The following TNKS2 variants were observed in gnomAD, a reference collection of about 807,000 sequenced individuals.
TNKS2 encodes the protein poly [ADP-ribose] polymerase tankyrase-2.
TNKS2 carries 72 observed loss-of-function variants against 137.6 expected under a neutral mutation model. That is an observed-to-expected ratio of 0.52 (90% confidence interval 0.43 to 0.64). TNKS2 has a LOEUF of 0.64. Among genes scored for constraint, TNKS2 ranks in the 30% least tolerant of loss-of-function variants. The pLI is 0.00. For missense variants in TNKS2, 1,049 were observed against 1,410.2 expected (o/e 0.74, Z 4.10); for synonymous variants, 516 against 512.1 (o/e 1.01, Z -0.10).
intron 26 of TNKS2, 84 bp downstream of exon 26, chr10:91,862,239 A>G: frequency 8.9e-7 from 1 of 1,128,618 alleles, no homozygotes. Flanking sequence ...TTGACAAGAC[A>G]TATTGCCTTA....
In TNKS2 at chr10:91,842,166, G is replaced by T. The variant is rs754234375; in HGVS notation, c.1840-6G>T. ...CCCCCTTTTTTTCTGTTTTTCACATGCCTAGCATGGTGCAGACCCTACAAA... is the reference window on the plus strand; with the variant it reads ...CCCCCTTTTTTTCTGTTTTTCACATTCCTAGCATGGTGCAGACCCTACAAA... On this transcript the variant is annotated splice_polypyrimidine_tract_variant and splice_region_variant and intron_variant, in intron 15 of 26. Transcript: ENST00000371627. 5 of 1,602,130 alleles carry T rather than the reference G, an allele frequency of 3.1e-6. No individual in the cohort carries two copies. The Admixed American group carries it at 8.5e-5, about 27-fold the overall frequency.
intron 26 of TNKS2, among the ~76,000 whole-genome samples, chr10:91,862,530 TC>T (rs1367592292): frequency 6.6e-6 from 1 of 152,094 alleles, no homozygotes; most frequent in Non-Finnish European, 1.5e-5. Context: ...CGCCAGTCGT[TC>T]CGGATTTTTC....
chr10:91,826,959 G>T, intron 7 of TNKS2, 58 bp from the exon 8 acceptor site: 2 of 1,400,324 alleles, frequency 1.4e-6, no homozygotes, highest in South Asian at 1.8e-5. Context: ...TACACAGTAC[G>T]AATAATTCTG....
chr10:91,808,105 T>C (rs1322527216), intron 1 of TNKS2, among the ~76,000 whole-genome samples: 1 of 151,848 alleles, frequency 6.6e-6, no homozygotes, highest in Non-Finnish European at 1.5e-5. Context: ...GTATGGAGCT[T>C]GCATTCTAGT....
At chr10:91,829,575 A>T (rs575191854) in intron 9 of TNKS2, among the ~76,000 whole-genome samples, 3 of 152,278 alleles carry the variant, frequency 2.0e-5, no homozygotes, top group Admixed American at 6.5e-5. Flanking sequence ...TGTGATTTTT[A>T]AAAAAAGTCT....
chr10:91,799,798 T>C (rs1227470537), intron 1 of TNKS2, among the ~76,000 whole-genome samples: 2 of 152,228 alleles, frequency 1.3e-5, no homozygotes, highest in Admixed American at 6.5e-5. Context: ...GAGTCATGCG[T>C]GATTGAAAAT....
intron 1 of TNKS2, among the ~76,000 whole-genome samples, chr10:91,810,157 C>G (rs1327620003): frequency 1.3e-5 from 2 of 152,060 alleles, no homozygotes; most frequent in Non-Finnish European, 2.9e-5. Flanking sequence ...CTGAGGATTA[C>G]TTGAGGTCAG....
In TNKS2 at chr10:91,855,030, T is replaced by C. The variant is rs777517772; in HGVS notation, c.2817T>C (p.Gly939=). The change falls in exon 22 of 27, where the codon GGT becomes GGC. Residue 939 remains glycine (G), a splice_region_variant and synonymous_variant. Coordinates refer to ENST00000371627, the MANE Select transcript of TNKS2 (RefSeq NM_025235.4). ...CTACCTTCAAATTTTGTTTCATAGG[T>C]CTTAACCCATATTTAACTTTGAACA... is the stretch of plus-strand genomic sequence containing the variant. ...GVERLISGQQ[G]LNPYLTLNTS... is the part of the protein sequence containing the mutation. 13 of 1,579,658 alleles carry C rather than the reference T, an allele frequency of 8.2e-6. No individual in the cohort carries two copies. In the South Asian group the frequency reaches 1.3e-4, roughly 16 times the overall value.
intron 24 of TNKS2, among the ~76,000 whole-genome samples, chr10:91,858,149 G>A (rs761089495): frequency 1.3e-5 from 2 of 152,086 alleles, no homozygotes; most frequent in African/African-American, 2.4e-5. Flanking sequence ...ATTACCCATA[G>A]TAGTTCCAGT....
chr10:91,854,904 A>G lies in TNKS2; in HGVS notation c.2816-125A>G, dbSNP rs563637853. The G allele has an allele frequency of 1.5e-4, 74 of 501,324 alleles. No homozygotes were observed. In the South Asian group the frequency reaches 1.6e-3, roughly 11 times the overall value. 31.1% of individuals were successfully genotyped at this position (501,324 alleles called of 1,614,324 possible). ...CAAGAGTGAAACTCTGTCTCAAAAA[A>G]AAAAAAAAAAGTTTAAAAAAAAAAA... On this transcript the variant is annotated intron_variant, in intron 21 of 26. Coordinates refer to ENST00000371627, the MANE Select transcript of TNKS2 (RefSeq NM_025235.4).
intron 1 of TNKS2, among the ~76,000 whole-genome samples, chr10:91,805,273 T>C (rs1402896086): frequency 3.9e-5 from 6 of 152,230 alleles, no homozygotes; most frequent in African/African-American, 1.2e-4. Flanking sequence ...AGTGTGACTG[T>C]AAAATCATAC....
intron 18 of TNKS2, among the ~76,000 whole-genome samples, chr10:91,846,482 C>T (rs767296578): frequency 1.3e-5 from 2 of 152,218 alleles, no homozygotes; most frequent in Non-Finnish European, 2.9e-5. Context: ...TCCCCTCTCT[C>T]CAGAGCATGG....
chr10:91,806,760 A>G (rs1384236537), intron 1 of TNKS2, among the ~76,000 whole-genome samples: 1 of 152,258 alleles, frequency 6.6e-6, no homozygotes, highest in Non-Finnish European at 1.5e-5. Context: ...TCACAACAGC[A>G]TACATTTTAT....
chr10:91,831,035 T>A (rs530162136), intron 10 of TNKS2, 21 bp downstream of exon 10: 1 of 1,607,470 alleles, frequency 6.2e-7, no homozygotes. Flanking sequence ...ATTTAATGAT[T>A]AAATATCATT....
At position 91,836,951 on chromosome 10, in the gene TNKS2, A is replaced by G. The variant is rs1842044699; in HGVS notation, c.1480A>G (p.Arg494Gly). ...GISLGNSEADRQLLEAAKAGD... is the reference protein window; with the variant it reads ...GISLGNSEADGQLLEAAKAGD... ...CTCATTAGGTAATTCAGAGGCAGAC[A>G]GACAATTGCTGGAAGCTGCAAAGGC... is the stretch of plus-strand genomic sequence containing the variant. The change falls in exon 13 of 27, where the codon AGA becomes GGA. Residue 494 changes from arginine (R) to glycine (G), a missense_variant. Coordinates refer to ENST00000371627, the MANE Select transcript of TNKS2 (RefSeq NM_025235.4). 6.2e-7 allele frequency: 1 copy of G among 1,613,438 alleles called. No homozygotes were observed. The highest frequency in any genetic ancestry group is 1.1e-5 in the South Asian group (1 of 90,970).
At chr10:91,852,943 A>C (rs1842591279) in intron 21 of TNKS2, among the ~76,000 whole-genome samples, 1 of 152,232 alleles carries the variant, frequency 6.6e-6, no homozygotes, top group Non-Finnish European at 1.5e-5. Flanking sequence ...ATAGAGGACA[A>C]ATTTTTGTAA....
At chr10:91,800,182 G>T (rs1049866658) in intron 1 of TNKS2, among the ~76,000 whole-genome samples, 1 of 152,194 alleles carries the variant, frequency 6.6e-6, no homozygotes, top group Non-Finnish European at 1.5e-5. Context: ...AATGGAAAGA[G>T]AAGGAAGAAT....
chr10:91,850,221 T>A (rs1842501097), intron 20 of TNKS2, among the ~76,000 whole-genome samples: 1 of 148,988 alleles, frequency 6.7e-6, no homozygotes, highest in Admixed American at 6.7e-5. Context: ...ACAAAGAAAT[T>A]AGCCAGGCAT....
At chr10:91,836,191 T>A (rs1178452152) in intron 12 of TNKS2, among the ~76,000 whole-genome samples, 1 of 152,012 alleles carries the variant, frequency 6.6e-6, no homozygotes, top group Non-Finnish European at 1.5e-5. Flanking sequence ...TCTTGTTTAA[T>A]GCTGTTATTA....
Sources: allele counts gnomAD v4.1 joint callset (sites outside exome capture counted in the v4.1 genomes callset), GRCh38; gene constraint gnomAD v4.1.1; transcripts MANE v1.5; gene names NCBI Gene and HGNC (gene_info 2026-07-23, HGNC 2026-07-21).